The following CCNQ variants were observed in gnomAD, a reference collection of about 807,000 sequenced individuals.
CCNQ encodes cyclin-Q.
CCNQ carries 3 observed loss-of-function variants against 17.7 expected under a neutral mutation model. That is an observed-to-expected ratio of 0.17 (90% CI 0.08 to 0.44). The LOEUF is 0.44. Among genes scored for constraint, CCNQ ranks in the 20% least tolerant of loss-of-function variants. CCNQ has a pLI of 0.99. For synonymous variants in CCNQ, 73 were observed against 96.0 expected (o/e 0.76, Z 1.40); for missense variants, 146 against 222.6 (o/e 0.66, Z 2.19).
At chrX:153,590,469 C>T (rs782806370) in intron 4 of CCNQ, among the ~76,000 whole-genome samples, 3 of 109,740 alleles carry the variant, frequency 2.7e-5, no homozygotes, top group South Asian at 3.9e-4. Flanking sequence ...AAAGGAGAGC[C>T]GTGAACTCTG....
intron 3 of CCNQ, among the ~76,000 whole-genome samples, chrX:153,594,152 G>A (rs2091010692): frequency 1.8e-5 from 2 of 112,909 alleles, no homozygotes; most frequent in South Asian, 7.2e-4. Flanking sequence ...AGCTGGAGGC[G>A]TGCTCCGAGG....
In CCNQ at chrX:153,594,683, C is replaced by T. The variant is rs782319474; in HGVS notation, c.297-4G>A. 66 of 1,210,114 alleles carry T rather than the reference C, an allele frequency of 5.5e-5. No homozygotes were observed. The highest frequency in any genetic ancestry group is 7.3e-5 in the Non-Finnish European group (65 of 895,139). ...CTCACCGCTTGGGTTAAAGTACCTGCGCAGAGAAATGGCAATGCTTCAGCA... is the reference window on the plus strand; with the variant it reads ...CTCACCGCTTGGGTTAAAGTACCTGTGCAGAGAAATGGCAATGCTTCAGCA... On this transcript the variant is annotated splice_region_variant and splice_polypyrimidine_tract_variant and intron_variant, in intron 2 of 4. Coordinates refer to ENST00000576892, the MANE Select transcript of CCNQ (RefSeq NM_152274.5).
rs1459322497 is a variant in CCNQ, at chrX:153,597,029, G to A, written c.113-842C>T. Among the ~76,000 whole-genome samples the A allele has an allele frequency of 2.7e-5, 3 of 112,268 alleles. No homozygotes were observed. The East Asian group carries it at 8.3e-4, about 31-fold the overall frequency. On this transcript the variant is annotated intron_variant, in intron 1 of 4. Coordinates refer to ENST00000576892, the MANE Select transcript of CCNQ (RefSeq NM_152274.5). ...ACTCAAAACACCAGAGCAGGATTCAGTGGATTCTACTTAGGGGTTAAAGCC... is the reference window on the plus strand; with the variant it reads ...ACTCAAAACACCAGAGCAGGATTCAATGGATTCTACTTAGGGGTTAAAGCC...
In CCNQ at chrX:153,592,249, G is replaced by A. The variant is rs140352556; in HGVS notation, c.657+257C>T. ...TCAGTAAAAGCGGTTCTCCGCTGGG[G>A]CAACCCTCCTCCCGGGACACCGGCG... On this transcript the variant is annotated intron_variant, in intron 4 of 4. Transcript: ENST00000576892. Among the ~76,000 whole-genome samples the A allele has an allele frequency of 4.1e-3, 466 of 112,789 alleles. 3 individuals are homozygous for A. The highest frequency in any genetic ancestry group is 0.014 in the African/African-American group (435 of 31,091).
In CCNQ at chrX:153,599,047, C is replaced by A. The variant is rs782046039; in HGVS notation, c.27G>T (p.Gly9=). Residue 9 remains glycine, a synonymous_variant, in exon 1 of 5, where the codon GGG becomes GGT. Transcript: ENST00000576892. ...CCTCCGGGCCCCGCGCTGCAGGCCC[C>A]CCTCCGCCGCCCTCCGGGGCTTCCA... MEAPEGGG[G]GPAARGPEGQ... 1 of 1,067,663 alleles carries A rather than the reference C, an allele frequency of 9.4e-7. No homozygotes were observed. Among genetic ancestry groups the A allele is most frequent in the Non-Finnish European group, 1.2e-6 (1 of 825,302 alleles). 88.0% of individuals were successfully genotyped at this position (1,067,663 alleles called of 1,213,427 possible). A position where few individuals can be genotyped will look rare whatever the true frequency, so the allele number is the denominator to read the frequency against.
At chrX:153,595,581 G>A (rs2091021890) in intron 2 of CCNQ, among the ~76,000 whole-genome samples, 1 of 113,107 alleles carries the variant, frequency 8.8e-6, no homozygotes, top group African/African-American at 3.2e-5. Flanking sequence ...CCATGCCCAC[G>A]CCACACCCAC....
Position 153,596,071 on chromosome X carries a change from T to C in CCNQ, c.229A>G (p.Ile77Val), listed in dbSNP as rs2091026072. ...TCTTCCACTTTGCCGGCCAAGTAAA[T>C]TGAAGACATGGCAATCAGGTAAGGG... ...YDPYLIAMSS[I>V]YLAGKVEEQH... The change falls in exon 2 of 5, where the codon ATT becomes GTT. Residue 77 changes from isoleucine (I) to valine (V), a missense_variant. By Grantham distance (29) the Ile-to-Val change is conservative. Transcript: ENST00000576892. 7 of 1,212,108 alleles carry C rather than the reference T, an allele frequency of 5.8e-6. No homozygotes were observed. Among genetic ancestry groups the C allele is most frequent in the East Asian group, 5.9e-5 (2 of 33,848 alleles).
Position 153,592,746 on chromosome X carries a change from G to T in CCNQ, c.430-13C>A, listed in dbSNP as rs782504277. 30 of 1,191,809 alleles carry T rather than the reference G, an allele frequency of 2.5e-5. No individual in the cohort carries two copies. Among genetic ancestry groups the T allele is most frequent in the Non-Finnish European group, 3.3e-5 (29 of 881,530 alleles). On this transcript the variant is annotated splice_polypyrimidine_tract_variant and intron_variant, in intron 3 of 4. Coordinates refer to ENST00000576892, the MANE Select transcript of CCNQ (RefSeq NM_152274.5). Reference sequence around the variant, plus strand: ...AGTGGAGCAGGTACTGCAAAGACACGTGTGTCAGCCTTTAGGCCCACCAGC... The same window carrying T: ...AGTGGAGCAGGTACTGCAAAGACACTTGTGTCAGCCTTTAGGCCCACCAGC...
At chrX:153,597,875 C>T (rs1271097673) in intron 1 of CCNQ, among the ~76,000 whole-genome samples, 1 of 111,231 alleles carries the variant, frequency 9.0e-6, no homozygotes, top group African/African-American at 3.3e-5. Context: ...GAGCAAACCC[C>T]AATTTACACG....
intron 3 of CCNQ, among the ~76,000 whole-genome samples, chrX:153,593,238 G>A (rs1461324388): frequency 8.9e-6 from 1 of 112,670 alleles, no homozygotes; most frequent in Non-Finnish European, 1.9e-5. Flanking sequence ...CTGACATTTT[G>A]CCAGAACCTC....
chrX:153,595,402 G>A (rs1278417912), intron 2 of CCNQ, among the ~76,000 whole-genome samples: 2 of 113,908 alleles, frequency 1.8e-5, no homozygotes, highest in Non-Finnish European at 3.7e-5. Context: ...ACAGGCGTGA[G>A]CCACCACGTC....
intron 4 of CCNQ, among the ~76,000 whole-genome samples, chrX:153,591,355 C>T (rs1557025734): frequency 8.9e-6 from 1 of 112,087 alleles, no homozygotes; most frequent in Admixed American, 9.4e-5. Context: ...CCAGTCTGAA[C>T]GATGACTGGG....
At chrX:153,594,759 A>C in intron 2 of CCNQ, 80 bp from the exon 3 acceptor site, 2 of 1,049,323 alleles carry the variant, frequency 1.9e-6, no homozygotes, top group Admixed American at 4.4e-5. Context: ...TAAGTCACAC[A>C]ATGTCCAGAT....
In CCNQ at chrX:153,599,095, A is replaced by T; in HGVS notation, c.-22T>A. 1.1e-6 allele frequency: 1 copy of T among 887,925 alleles called. No homozygotes were observed. Among genetic ancestry groups the T allele is most frequent in the Non-Finnish European group, 1.4e-6 (1 of 698,101 alleles). 73.2% of individuals were successfully genotyped at this position (887,925 alleles called of 1,213,427 possible). A position where few individuals can be genotyped will look rare whatever the true frequency, so the allele number is the denominator to read the frequency against. The stretch of plus-strand genomic sequence containing the variant: ...CCATGAGGCGCCGCGGCACCGGCGG[A>T]AGGAGAGGCGGCCCCGGCGCGCAGA... On this transcript the variant is annotated 5_prime_UTR_variant, in exon 1 of 5. Coordinates refer to ENST00000576892, the MANE Select transcript of CCNQ (RefSeq NM_152274.5).
intron 3 of CCNQ, among the ~76,000 whole-genome samples, chrX:153,593,701 G>A (rs951987673): frequency 1.8e-5 from 2 of 112,450 alleles, no homozygotes; most frequent in Non-Finnish European, 3.8e-5. Context: ...TGGTAGGTCC[G>A]TGAACGGAGT....
intron 3 of CCNQ, among the ~76,000 whole-genome samples, chrX:153,594,007 C>T (rs1285211978): frequency 1.8e-5 from 2 of 113,177 alleles, no homozygotes; most frequent in Admixed American, 1.9e-4. Flanking sequence ...GTGCCAGTCG[C>T]CTAAGCGTTC....
chrX:153,588,710 C>T (rs2090970752), intron 4 of CCNQ, among the ~76,000 whole-genome samples: 1 of 112,773 alleles, frequency 8.9e-6, no homozygotes, highest in Non-Finnish European at 1.9e-5. Flanking sequence ...ACCTGTCCAA[C>T]GTCATACAGG....
chrX:153,588,831 G>A (rs1557025137), intron 4 of CCNQ, among the ~76,000 whole-genome samples: 1 of 112,995 alleles, frequency 8.8e-6, no homozygotes, highest in East Asian at 2.8e-4. Flanking sequence ...GGCAGTCCCT[G>A]TGCAGCCACA....
At chrX:153,589,378 C>A in intron 4 of CCNQ, among the ~76,000 whole-genome samples, 1 of 113,098 alleles carries the variant, frequency 8.8e-6, no homozygotes, top group African/African-American at 3.2e-5. Flanking sequence ...CTCCCCTGGG[C>A]GAGGAGCCGC....
Sources: allele counts gnomAD v4.1 joint callset (sites outside exome capture counted in the v4.1 genomes callset), GRCh38; gene constraint gnomAD v4.1.1; transcripts MANE v1.5; gene names NCBI Gene and HGNC (gene_info 2026-07-23, HGNC 2026-07-21).